Variants in ACKR2 observed in about 807,000 individuals in gnomAD.
The protein encoded by ACKR2 is atypical chemokine receptor 2.
For synonymous variants in ACKR2, 207 were observed against 192.2 expected (o/e 1.08, Z -0.64); for missense variants, 457 against 477.3 (o/e 0.96, Z 0.40).
At chr3:42,811,233 A>G (rs1458386394) in intron 1 of ACKR2, among the ~76,000 whole-genome samples, 4 of 152,354 alleles carry the variant, frequency 2.6e-5, no homozygotes, top group African/African-American at 9.6e-5. Context: ...GTCTATGTAG[A>G]AAAGGAAGAC....
At chr3:42,811,487 C>T (rs1467252224) in intron 1 of ACKR2, among the ~76,000 whole-genome samples, 3 of 152,216 alleles carry the variant, frequency 2.0e-5, no homozygotes, top group African/African-American at 7.2e-5. Flanking sequence ...CTGCGGAAAG[C>T]CGCAGGGACC....
At chr3:42,849,720 T>C (rs1033848234) in intron 2 of ACKR2, among the ~76,000 whole-genome samples, 4 of 152,220 alleles carry the variant, frequency 2.6e-5, no homozygotes, top group African/African-American at 9.6e-5. Flanking sequence ...GAACACCATT[T>C]GAATGGTTGG....
At position 42,865,990 on chromosome 3, in the gene ACKR2, A is replaced by T. The variant is rs959045328; in HGVS notation, c.*333A>T. ...TTCCTACTTTCCTTCCTTCCTTCTG[A>T]CAGGGTCTTGCTCTATTGCTCTGTC... On this transcript the variant is annotated 3_prime_UTR_variant, in exon 3 of 3. Transcript: ENST00000422265. 7.5e-5 allele frequency: 20 copies of T among 267,460 alleles called. No individual in the cohort carries two copies. The highest frequency in any genetic ancestry group is 5.2e-4 in the African/African-American group (20 of 38,390). The allele number at this position is 267,460 out of a possible 1,614,324, so 16.6% of individuals were successfully genotyped here. A position where few individuals can be genotyped will look rare whatever the true frequency, so the allele number is the denominator to read the frequency against.
chr3:42,828,092 A>ATATATATTTTTTTTTTTTTTTTTTTT (rs1193533555), intron 2 of ACKR2, among the ~76,000 whole-genome samples: 2 of 121,902 alleles, frequency 1.6e-5, no homozygotes, highest in Non-Finnish European at 3.4e-5. Flanking sequence ...ATATATATAT[A>ATATATATTTTTTTTTTTTTTTTTTTT]TTTTTTTTTT....
intron 2 of ACKR2, among the ~76,000 whole-genome samples, chr3:42,860,201 A>C (rs1366256521): frequency 8.2e-6 from 1 of 122,242 alleles, no homozygotes; most frequent in East Asian, 2.9e-4. Context: ...CAGGGGATGC[A>C]ATCCTAGTCT....
chr3:42,841,059 C>G (rs945525633), intron 2 of ACKR2, among the ~76,000 whole-genome samples: 4 of 152,054 alleles, frequency 2.6e-5, no homozygotes, highest in Admixed American at 1.3e-4. Context: ...GCCTATGGGG[C>G]CCCTCTCAGA....
At chr3:42,819,293 T>A (rs1700784908) in intron 1 of ACKR2, among the ~76,000 whole-genome samples, 2 of 152,240 alleles carry the variant, frequency 1.3e-5, no homozygotes, top group African/African-American at 4.8e-5. Context: ...ACTAAAAAGA[T>A]TGATTTGTTT....
Position 42,864,625 on chromosome 3 carries a change from G to A in ACKR2, c.123G>A (p.Val41=), listed in dbSNP as rs1223637701. ...VAFMLCRKDA[V]VSFGKVFLPV... ...TCATGCTCTGCAGGAAGGATGCAGT[G>A]GTGTCCTTTGGCAAAGTCTTCCTCC... The change falls in exon 3 of 3, where the codon GTG becomes GTA. Residue 41 remains valine (V), a synonymous_variant. Coordinates refer to ENST00000422265, the MANE Select transcript of ACKR2 (RefSeq NM_001296.5). The A allele has an allele frequency of 1.9e-5, 31 of 1,613,994 alleles. No individual in the cohort carries two copies. The highest frequency in any genetic ancestry group is 2.6e-5 in the Non-Finnish European group (31 of 1,180,006).
intron 2 of ACKR2, among the ~76,000 whole-genome samples, chr3:42,822,178 A>G (rs1400271527): frequency 1.3e-5 from 2 of 151,546 alleles, no homozygotes; most frequent in African/African-American, 4.8e-5. Context: ...AAATAAATAA[A>G]TAAATAAATA....
chr3:42,846,534 C>G (rs1701099311), intron 2 of ACKR2, among the ~76,000 whole-genome samples: 1 of 152,130 alleles, frequency 6.6e-6, no homozygotes, highest in Non-Finnish European at 1.5e-5. Flanking sequence ...TTGTCCCTGG[C>G]TTTGGGCTGA....
intron 2 of ACKR2, among the ~76,000 whole-genome samples, chr3:42,830,236 G>A (rs981641593): frequency 6.6e-6 from 1 of 152,138 alleles, no homozygotes; most frequent in Non-Finnish European, 1.5e-5. Flanking sequence ...GGAATTGGAG[G>A]ATGCTGGTCG....
chr3:42,841,995 GT>G (rs1701043742), intron 2 of ACKR2, among the ~76,000 whole-genome samples: 1 of 152,018 alleles, frequency 6.6e-6, no homozygotes, highest in African/African-American at 2.4e-5. Context: ...TGATCTCTCT[GT>G]GCCTCAGTTC....
At chr3:42,819,847 C>A (rs933939652) in intron 2 of ACKR2, 136 bp downstream of exon 2, 1 of 152,322 alleles carries the variant, frequency 6.6e-6, no homozygotes, top group Non-Finnish European at 1.5e-5. Flanking sequence ...CTTTCAGAGC[C>A]CCCCTTTCTC....
At chr3:42,859,381 ATT>A (rs1209301411) in intron 2 of ACKR2, among the ~76,000 whole-genome samples, 11 of 141,366 alleles carry the variant, frequency 7.8e-5, no homozygotes, top group Middle Eastern at 3.4e-3. Flanking sequence ...TTCAACATTC[ATT>A]TTTTTTTTTT....
chr3:42,842,999 A>G (rs1286058036), intron 2 of ACKR2, among the ~76,000 whole-genome samples: 1 of 151,236 alleles, frequency 6.6e-6, no homozygotes, highest in African/African-American at 2.4e-5. Context: ...AAAAAAAAAA[A>G]AAAAGAAAGA....
chr3:42,848,611 C>T (rs1008391238), intron 2 of ACKR2, among the ~76,000 whole-genome samples: 2 of 152,002 alleles, frequency 1.3e-5, no homozygotes, highest in African/African-American at 4.8e-5. Flanking sequence ...TTGGAAAAAA[C>T]CACAGTAATA....
intron 2 of ACKR2, among the ~76,000 whole-genome samples, chr3:42,843,496 G>A (rs1262187425): frequency 1.3e-5 from 2 of 151,946 alleles, no homozygotes; most frequent in Admixed American, 6.6e-5. Context: ...TAGACTGCCT[G>A]GTAAAATGCA....
In ACKR2 at chr3:42,865,391, A is replaced by T. The variant is rs747916833; in HGVS notation, c.889A>T (p.Thr297Ser). Residue 297 changes from threonine (T) to serine (S), a missense_variant, in exon 3 of 3, where the codon ACA becomes TCA. Physicochemically the swap from Thr to Ser is moderately conservative, Grantham distance 58. Transcript: ENST00000422265. ...SQHLDYALQV[T>S]ESIAFLHCCF... is the part of the protein sequence containing the mutation. ...GCATCTAGACTACGCACTCCAGGTAACAGAGAGCATCGCCTTCCTTCACTG... is the reference window on the plus strand; with the variant it reads ...GCATCTAGACTACGCACTCCAGGTATCAGAGAGCATCGCCTTCCTTCACTG... The T allele has an allele frequency of 3.1e-6, 5 of 1,614,046 alleles. No individual in the cohort carries two copies. Among genetic ancestry groups the T allele is most frequent in the African/African-American group, 1.3e-5 (1 of 74,914 alleles).
chr3:42,857,123 G>T lies in ACKR2; in HGVS notation c.-37-7343G>T, dbSNP rs114152462. ...CCAGGCACCTGCCGTCTTGAATTTGGTGCCTCTCATTCCTATGCCTTCCTG... is the reference window on the plus strand; with the variant it reads ...CCAGGCACCTGCCGTCTTGAATTTGTTGCCTCTCATTCCTATGCCTTCCTG... On this transcript the variant is annotated intron_variant, in intron 2 of 2. Coordinates refer to ENST00000422265, the MANE Select transcript of ACKR2 (RefSeq NM_001296.5). Among the ~76,000 whole-genome samples, 397 of 152,028 alleles carry T rather than the reference G, an allele frequency of 2.6e-3. 1 individual carries two copies. Among genetic ancestry groups the T allele is most frequent in the African/African-American group, 9.2e-3 (380 of 41,508 alleles).
Sources: allele counts gnomAD v4.1 joint callset (sites outside exome capture counted in the v4.1 genomes callset), GRCh38; gene constraint gnomAD v4.1.1; transcripts MANE v1.5; gene names NCBI Gene and HGNC (gene_info 2026-07-23, HGNC 2026-07-21).